Variants in KRT26 observed in about 807,000 individuals in gnomAD.
KRT26 encodes keratin, type I cytoskeletal 26.
KRT26 carries 45 observed loss-of-function variants against 46.1 expected under a neutral mutation model. That is an observed-to-expected ratio of 0.98 (90% confidence interval 0.77 to 1.25). The LOEUF (loss-of-function observed/expected upper bound fraction) is 1.25, where lower values mean the gene tolerates loss of function less well. Ranked by LOEUF, KRT26 falls within the 50% of genes most tolerant of loss-of-function variation. The probability of loss-of-function intolerance (pLI) is 0.00; values close to 1 mark genes in which losing one functional copy is unlikely to be tolerated. For synonymous variants in KRT26, 191 were observed against 209.9 expected (o/e 0.91, Z 0.78); for missense variants, 582 against 560.1 (o/e 1.04, Z -0.39).
chr17:40,766,636 A>T (rs770554752), exon 8 of KRT26: 17 of 1,612,690 alleles, frequency 1.1e-5, no homozygotes, highest in Non-Finnish European at 1.4e-5. Context: ...TTCCTCAACC[A>T]CTGTTTTAAC....
In KRT26 at chr17:40,769,800, C is replaced by T. The variant is rs763847659; in HGVS notation, c.923G>A (p.Arg308His). Reference sequence around the variant, plus strand: ...TTCTATTTCCAGGGTTTGCAGATTGCGTTTTAATTCGGTCAGCTCATTTCT... The same window carrying T: ...TTCTATTTCCAGGGTTTGCAGATTGTGTTTTAATTCGGTCAGCTCATTTCT... The change falls in exon 5 of 8, where the codon CGC (arginine) becomes CAC (histidine). Residue 308 changes from arginine (R) to histidine (H), a missense_variant. Arg to His is a conservative substitution (Grantham distance 29). Coordinates refer to ENST00000335552, the Ensembl canonical transcript of KRT26. The T allele has an allele frequency of 9.3e-6, 15 of 1,614,018 alleles. No homozygotes were observed. The highest frequency in any genetic ancestry group is 8.9e-5 in the East Asian group (4 of 44,902).
chr17:40,770,029 T>C, exon 4 of KRT26: 1 of 1,614,196 alleles, frequency 6.2e-7, no homozygotes, highest in Non-Finnish European at 8.5e-7. Flanking sequence ...TCAGCCCTCA[T>C]GTTGTTCAAC....
chr17:40,767,557 T>G, intron 7 of KRT26, 29 bp downstream of exon 7: 1 of 1,409,316 alleles, frequency 7.1e-7, no homozygotes, highest in South Asian at 1.3e-5. Flanking sequence ...TTTAAGGAGT[T>G]ACACCAGGTA....
rs2038221954 is a variant in KRT26 at position 40,771,698 on chromosome 17, G to C, written c.416C>G (p.Ser139Ter). 1.2e-6 allele frequency: 2 copies of C among 1,613,580 alleles called. No homozygotes were observed. Among genetic ancestry groups the C allele is most frequent in the Non-Finnish European group, 8.5e-7 (1 of 1,179,734 alleles). Residue 139 changes from serine (S) to a stop codon, truncating the protein, a stop_gained, in exon 1 of 8, where the codon TCA becomes TGA. Transcript: ENST00000335552. LOFTEE classifies it high-confidence loss of function. ...CTGCCTTTTAAGATCTTCTATGACTGAGAAGTATCTGCTATAGTCATGATC... is the reference window on the plus strand; with the variant it reads ...CTGCCTTTTAAGATCTTCTATGACTCAGAAGTATCTGCTATAGTCATGATC...
rs1057505319 is a variant in KRT26 at position 40,769,115 on chromosome 17, G to A, written c.970-19C>T. ...AATGTTTCTGAAAGAAAAGCAAAGTGAAGCTTGAATGTGTAAAAGAGAAAT... is the reference window on the plus strand; with the variant it reads ...AATGTTTCTGAAAGAAAAGCAAAGTAAAGCTTGAATGTGTAAAAGAGAAAT... On this transcript the variant is annotated intron_variant, in intron 5 of 7. Coordinates refer to ENST00000335552, the Ensembl canonical transcript of KRT26. 4.6e-6 allele frequency: 7 copies of A among 1,531,562 alleles called. No individual in the cohort carries two copies. Among genetic ancestry groups the A allele is most frequent in the Middle Eastern group, 3.4e-4 (2 of 5,890 alleles). The allele number at this position is 1,531,562 out of a possible 1,614,324, so 94.9% of individuals were successfully genotyped here.
chr17:40,766,478 CTCTTTCTT>C lies in KRT26; in HGVS notation c.*29_*36del, dbSNP rs543415853. On this transcript the variant is annotated 3_prime_UTR_variant, in exon 8 of 8. Coordinates refer to ENST00000335552, the Ensembl canonical transcript of KRT26. Reference sequence around the variant, plus strand: ...TTTCTTTCTTTCTTTCTCTCTCTCTCTCTTTCTTTCTTTCTTTCCAAATAACTTTTTCC... The same window carrying C: ...TTTCTTTCTTTCTTTCTCTCTCTCTCTCTTTCTTTCCAAATAACTTTTTCC... 7.0e-6 allele frequency: 10 copies of C among 1,424,376 alleles called. No homozygotes were observed. The East Asian group carries it at 7.3e-5, about 10-fold the overall frequency. 88.2% of individuals were successfully genotyped at this position (1,424,376 alleles called of 1,614,324 possible).
intron 2 of KRT26, 45 bp from the exon 3 acceptor site, chr17:40,770,454 T>G: frequency 1.3e-6 from 2 of 1,489,112 alleles, no homozygotes; most frequent in Non-Finnish European, 1.8e-6. Flanking sequence ...CGTAGGCAGG[T>G]GCAAAGCACA....
At position 40,771,757 on chromosome 17, in the gene KRT26, G is replaced by T. The variant is rs143336266; in HGVS notation, c.357C>A (p.Tyr119Ter). ...GGGAAGAGCCAGGCTCACATTTCTCGTACCAGCCCTTGATCTTCTGCTCCA... is the reference window on the plus strand; with the variant it reads ...GGGAAGAGCCAGGCTCACATTTCTCTTACCAGCCCTTGATCTTCTGCTCCA... Residue 119 changes from tyrosine (Y) to a stop codon, truncating the protein, a stop_gained, in exon 1 of 8, where the codon TAC (tyrosine) becomes TAA (stop). Coordinates refer to ENST00000335552, the Ensembl canonical transcript of KRT26. LOFTEE classifies it high-confidence loss of function. The T allele has an allele frequency of 6.2e-7, 1 of 1,613,978 alleles. No homozygotes were observed. The highest frequency in any genetic ancestry group is 8.5e-7 in the Non-Finnish European group (1 of 1,180,014).
exon 3 of KRT26, chr17:40,770,290 C>G: frequency 6.2e-7 from 1 of 1,614,194 alleles, no homozygotes; most frequent in Non-Finnish European, 8.5e-7. Context: ...CAATTCCTCA[C>G]TGAGGGTCTC....
At chr17:40,767,558 A>C (rs1259580485) in intron 7 of KRT26, 28 bp downstream of exon 7, 1 of 1,414,712 alleles carries the variant, frequency 7.1e-7, no homozygotes, top group Admixed American at 2.0e-5. Flanking sequence ...TTAAGGAGTT[A>C]CACCAGGTAA....
chr17:40,766,285 TA>T, exon 8 of KRT26: 2 of 347,776 alleles, frequency 5.8e-6, no homozygotes, highest in African/African-American at 4.2e-5. Flanking sequence ...GCCCCCAAAA[TA>T]AAAACAAAAA....
intron 7 of KRT26, 115 bp downstream of exon 7, chr17:40,767,471 A>T (rs2038180988): frequency 5.4e-6 from 3 of 556,940 alleles, no homozygotes; most frequent in Non-Finnish European, 9.4e-6. Flanking sequence ...TCATCCCTTT[A>T]TTCACCAGAA....
At chr17:40,769,811 G>T in exon 5 of KRT26, 3 of 1,614,078 alleles carry the variant, frequency 1.9e-6, no homozygotes, top group East Asian at 2.2e-5. Context: ...GTTTTAATTC[G>T]GTCAGCTCAT....
rs936287138 is a variant in KRT26, at chr17:40,770,041, G to A, written c.763C>T (p.Leu255=). The stretch of plus-strand genomic sequence containing the variant: ...TACTCAGCCCTCATGTTGTTCAACA[G>A]GACAGTTAGGTCCACTCCTGGGGTT... The change falls in exon 4 of 8, where the codon CTG becomes TTG. Residue 255 remains leucine, a synonymous_variant. Coordinates refer to ENST00000335552, the Ensembl canonical transcript of KRT26. 1.1e-5 allele frequency: 17 copies of A among 1,614,020 alleles called. No homozygotes were observed. In the African/African-American group the frequency reaches 1.9e-4, roughly 18 times the overall value.
At chr17:40,770,117 C>T in exon 4 of KRT26, 1 of 1,614,170 alleles carries the variant, frequency 6.2e-7, no homozygotes, top group Non-Finnish European at 8.5e-7. Flanking sequence ...GCAAGACTTC[C>T]ATTTCCTAGA....
At chr17:40,769,539 T>G (rs2038200905) in intron 5 of KRT26, among the ~76,000 whole-genome samples, 1 of 152,138 alleles carries the variant, frequency 6.6e-6, no homozygotes, top group South Asian at 2.1e-4. Flanking sequence ...AAATCAACAT[T>G]TGCAAGATTT....
chr17:40,771,790 GT>G lies in KRT26; in HGVS notation c.323del (p.Asn108ThrfsTer34). ...CCTTGATCTTCTGCTCCAGGTCTGCGTTGGCCTCCTCTAGAGCATGCACATG... is the reference window on the plus strand; with the variant it reads ...CCTTGATCTTCTGCTCCAGGTCTGCGTGGCCTCCTCTAGAGCATGCACATG... On this transcript the variant is annotated frameshift_variant, in exon 1 of 8. Coordinates refer to ENST00000335552, the Ensembl canonical transcript of KRT26. LOFTEE classifies it high-confidence loss of function. 6.2e-7 allele frequency: 1 copy of G among 1,614,114 alleles called. No homozygotes were observed. The highest frequency in any genetic ancestry group is 8.5e-7 in the Non-Finnish European group (1 of 1,180,020).
Position 40,771,653 on chromosome 17 carries a change from T to C in KRT26, c.441+20A>G. 6.3e-7 allele frequency: 1 copy of C among 1,583,318 alleles called. No individual in the cohort carries two copies. The highest frequency in any genetic ancestry group is 2.2e-5 in the East Asian group (1 of 44,528). ...ACACACAAAGTCTGTAGTAAAAGTA[T>C]GCAAATCCCTATTTCTTACCTGCCT... On this transcript the variant is annotated intron_variant, in intron 1 of 7. Transcript: ENST00000335552.
chr17:40,766,618 T>C, exon 8 of KRT26: 1 of 1,613,270 alleles, frequency 6.2e-7, no homozygotes, highest in Non-Finnish European at 8.5e-7. Flanking sequence ...ATTGCCAATT[T>C]GATCCAGTTC....
Sources: gnomAD v4.1 joint callset for allele counts (sites outside exome capture counted in the v4.1 genomes callset) on GRCh38, gnomAD v4.1.1 for gene constraint, MANE v1.5 for transcripts, NCBI Gene and HGNC (gene_info 2026-07-23, HGNC 2026-07-21) for gene names.